FRMPD4: variants seen among roughly 807,000 people sequenced by gnomAD.
FRMPD4 encodes FERM and PDZ domain-containing protein 4.
FRMPD4 carries 22 observed loss-of-function variants against 94.1 expected under a neutral mutation model. That is an observed-to-expected ratio of 0.23 (90% CI 0.17 to 0.33). FRMPD4 has a LOEUF of 0.33. Among genes scored for constraint, FRMPD4 ranks in the 10% least tolerant of loss-of-function variants. The pLI is 1.00. For synonymous variants in FRMPD4, 631 were observed against 548.6 expected (o/e 1.15, Z -2.10); for missense variants, 1,111 against 1,339.9 (o/e 0.83, Z 2.67).
chrX:12,109,984 C>G (rs1445434450), intron 3 of FRMPD4, among the ~76,000 whole-genome samples: 1 of 111,726 alleles, frequency 9.0e-6, no homozygotes, highest in African/African-American at 3.3e-5. Context: ...TGAATTCTAC[C>G]AGAGATACAA....
chrX:12,481,991 C>T lies in FRMPD4; in HGVS notation c.42-16689C>T, dbSNP rs1295101249. On this transcript the variant is annotated intron_variant, in intron 1 of 16. Transcript: ENST00000675598. ...AAAAAAGAAAGTGTTATTGGATAATCGTAAGGAAGAGAAAATTTATTTGCT... is the reference window on the plus strand; with the variant it reads ...AAAAAAGAAAGTGTTATTGGATAATTGTAAGGAAGAGAAAATTTATTTGCT... 5.1e-5 allele frequency among the ~76,000 whole-genome samples: 4 copies of T among 79,200 alleles called. No individual in the cohort carries two copies. In the Admixed American group the frequency reaches 6.2e-4, roughly 12 times the overall value. 68.8% of individuals were successfully genotyped at this position (79,200 alleles called of 115,157 possible).
intron 1 of FRMPD4, among the ~76,000 whole-genome samples, chrX:12,476,459 C>T (rs2057599968): frequency 9.0e-6 from 1 of 111,034 alleles, no homozygotes; most frequent in Admixed American, 9.5e-5. Context: ...CCAAAATTGA[C>T]AAATGGGATC....
At chrX:12,635,036 G>T (rs772493937) in intron 4 of FRMPD4, among the ~76,000 whole-genome samples, 1 of 110,122 alleles carries the variant, frequency 9.1e-6, no homozygotes, top group African/African-American at 3.3e-5. Context: ...ATTTCACCAT[G>T]TTGGCCAAGC....
intron 2 of FRMPD4, among the ~76,000 whole-genome samples, chrX:11,875,794 C>T (rs2053779844): frequency 9.1e-6 from 1 of 110,025 alleles, no homozygotes; most frequent in African/African-American, 3.3e-5. Context: ...CACTAATCTC[C>T]AAAATAAGCC....
intron 1 of FRMPD4, among the ~76,000 whole-genome samples, chrX:12,340,817 G>A (rs918784077): frequency 9.0e-6 from 1 of 111,434 alleles, no homozygotes; most frequent in African/African-American, 3.3e-5. Context: ...GTTCATCTGT[G>A]CAACTAATGG....
At position 12,388,850 on chromosome X, in the gene FRMPD4, T is replaced by TATATATATATATATATATATAC. The variant is rs1491368741; in HGVS notation, c.42-109829_42-109828insTATATATATATATATATATACA. Reference sequence around the variant, plus strand: ...ATATATATATATATATATATATATATACACACAATGGAGTACTATTCAGCC... The same window carrying TATATATATATATATATATATAC: ...ATATATATATATATATATATATATATATATATATATATATATATATACACACACAATGGAGTACTATTCAGCC... On this transcript the variant is annotated intron_variant, in intron 1 of 16. Coordinates refer to ENST00000675598, the MANE Select transcript of FRMPD4 (RefSeq NM_001368397.1). 9.0e-4 allele frequency among the ~76,000 whole-genome samples: 66 copies of TATATATATATATATATATATAC among 73,408 alleles called. 1 individual carries two copies. The highest frequency in any genetic ancestry group is 3.9e-3 in the African/African-American group (60 of 15,529). 63.7% of individuals were successfully genotyped at this position (73,408 alleles called of 115,157 possible).
chrX:12,003,712 G>A (rs764934958), intron 3 of FRMPD4, among the ~76,000 whole-genome samples: 4 of 112,535 alleles, frequency 3.6e-5, no homozygotes, highest in Admixed American at 9.3e-5. Context: ...GCCCAGGCAA[G>A]TATATATTGA....
At chrX:11,988,597 A>G (rs1171439924) in intron 3 of FRMPD4, among the ~76,000 whole-genome samples, 1 of 109,283 alleles carries the variant, frequency 9.2e-6, no homozygotes, top group African/African-American at 3.3e-5. Flanking sequence ...AAAAATGGAC[A>G]AATGAGATCA....
chrX:12,608,210 T>A (rs930398863), intron 2 of FRMPD4, among the ~76,000 whole-genome samples: 33 of 112,764 alleles, frequency 2.9e-4, no homozygotes, highest in Non-Finnish European at 1.9e-5. Flanking sequence ...GAAGACTTCA[T>A]CAAGAGTCAT....
intron 1 of FRMPD4, among the ~76,000 whole-genome samples, chrX:11,848,908 G>T (rs6639092): frequency 0.051 from 5,642 of 111,551 alleles, 187 homozygotes; most frequent in East Asian, 0.26. Flanking sequence ...AGAGAAGGAT[G>T]CCTGCTTTCA....
chrX:12,440,727 GA>G (rs2057126064), intron 1 of FRMPD4, among the ~76,000 whole-genome samples: 1 of 110,805 alleles, frequency 9.0e-6, no homozygotes, highest in Admixed American at 9.6e-5. Flanking sequence ...CAACAGAAAT[GA>G]AAAAGAGGGG....
chrX:11,895,562 A>C (rs1274232840), intron 3 of FRMPD4, among the ~76,000 whole-genome samples: 1 of 111,451 alleles, frequency 9.0e-6, no homozygotes, highest in East Asian at 2.8e-4. Flanking sequence ...AACTCAGCAA[A>C]TTTTTTTTGA....
intron 4 of FRMPD4, among the ~76,000 whole-genome samples, chrX:12,660,503 G>A (rs1174194371): frequency 8.9e-6 from 1 of 111,996 alleles, no homozygotes; most frequent in Non-Finnish European, 1.9e-5. Flanking sequence ...TTTTTGGTTT[G>A]TTTTAATGGA....
At chrX:11,843,978 C>CTTT (rs1193068056) in intron 1 of FRMPD4, among the ~76,000 whole-genome samples, 100 of 61,350 alleles carry the variant, frequency 1.6e-3, no homozygotes, top group Middle Eastern at 0.014. Context: ...GTTATGAATT[C>CTTT]TTTTTTTTTT....
intron 2 of FRMPD4, among the ~76,000 whole-genome samples, chrX:12,538,182 G>C (rs1192603242): frequency 9.0e-6 from 1 of 111,624 alleles, no homozygotes; most frequent in Non-Finnish European, 1.9e-5. Flanking sequence ...CGAGATTATA[G>C]CTCGTGCCTG....
rs1555969426 is a variant in FRMPD4 at position 12,463,681 on chromosome X, G to GTGTTTTTTTTT, written c.42-34998_42-34997insGTTTTTTTTTT. Among the ~76,000 whole-genome samples the GTGTTTTTTTTT allele has an allele frequency of 3.9e-4, 20 of 51,039 alleles. 3 individuals carry two copies. The highest frequency in any genetic ancestry group is 7.8e-4 in the Admixed American group (3 of 3,856). 44.3% of individuals were successfully genotyped at this position (51,039 alleles called of 115,157 possible). ...GGGTGCCTGTGCCTCCTATGTGTGTGTTTTTTTTTTGTTTTTGTTTTTTTT... is the reference window on the plus strand; with the variant it reads ...GGGTGCCTGTGCCTCCTATGTGTGTGTGTTTTTTTTTTTTTTTTTTTGTTTTTGTTTTTTTT... On this transcript the variant is annotated intron_variant, in intron 1 of 16. Coordinates refer to ENST00000675598, the MANE Select transcript of FRMPD4 (RefSeq NM_001368397.1).
At position 12,716,640 on chromosome X, in the gene FRMPD4, C is replaced by A. The variant is rs752460391; in HGVS notation, c.2181C>A (p.Ala727=). The A allele has an allele frequency of 8.3e-7, 1 of 1,210,005 alleles. No individual in the cohort carries two copies. The highest frequency in any genetic ancestry group is 1.7e-5 in the African/African-American group (1 of 57,703). ...TAGGCGATGTGAAGAGCTTCCAGGC[C>A]GCGGAGGGGATCGAGGAACCCCTCT... ...ANIGDVKSFQ[A]AEGIEEPLLH... is the part of the protein sequence containing the mutation. The change falls in exon 15 of 17, where the codon GCC becomes GCA. Residue 727 remains alanine (A), a synonymous_variant. Coordinates refer to ENST00000675598, the MANE Select transcript of FRMPD4 (RefSeq NM_001368397.1).
intron 1 of FRMPD4, among the ~76,000 whole-genome samples, chrX:12,295,707 C>T (rs1371190226): frequency 9.0e-6 from 1 of 111,602 alleles, no homozygotes; most frequent in African/African-American, 3.3e-5. Context: ...AGTCTTTTTG[C>T]CTCTTTAAGG....
intron 1 of FRMPD4, among the ~76,000 whole-genome samples, chrX:12,454,422 A>C (rs1056851752): frequency 8.9e-6 from 1 of 112,216 alleles, no homozygotes; most frequent in African/African-American, 3.2e-5. Context: ...GTGTTGAAAC[A>C]ATGAAATTTC....
Sources: allele counts gnomAD v4.1 joint callset (sites outside exome capture counted in the v4.1 genomes callset), GRCh38; gene constraint gnomAD v4.1.1; transcripts MANE v1.5; gene names NCBI Gene and HGNC (gene_info 2026-07-23, HGNC 2026-07-21).